The following RHOH variants were observed in gnomAD, a reference collection of about 807,000 sequenced individuals.
RHOH encodes the protein rho-related GTP-binding protein RhoH.
Under a neutral mutation model 13.8 loss-of-function variants are expected in RHOH, and 6 were observed. That is an observed-to-expected ratio of 0.44 (90% confidence interval 0.24 to 0.86). The LOEUF is 0.86. Among genes scored for constraint, RHOH ranks in the 40% least tolerant of loss-of-function variants. The pLI is 0.24. For synonymous variants in RHOH, 117 were observed against 103.0 expected (o/e 1.14, Z -0.82); for missense variants, 147 against 244.5 (o/e 0.60, Z 2.66).
At chr4:40,226,903 A>G (rs142606640) in intron 1 of RHOH, among the ~76,000 whole-genome samples, 1,635 of 152,314 alleles carry the variant, frequency 0.011, 28 homozygotes, top group African/African-American at 0.038. Flanking sequence ...TCACGCCTGT[A>G]ATCTCAGCAC....
chr4:40,229,545 A>G (rs1004071713), intron 1 of RHOH, among the ~76,000 whole-genome samples: 6 of 151,778 alleles, frequency 4.0e-5, no homozygotes, highest in Non-Finnish European at 5.9e-5. Flanking sequence ...GAGGCAGGAG[A>G]ATCGCTTGAA....
chr4:40,213,148 A>C (rs538406006), intron 1 of RHOH, among the ~76,000 whole-genome samples: 5 of 152,234 alleles, frequency 3.3e-5, no homozygotes, highest in Non-Finnish European at 4.4e-5. Flanking sequence ...TCATTAAAAG[A>C]GGGAGAAGGG....
chr4:40,209,748 T>A (rs1170525298), intron 1 of RHOH: 1 of 152,210 alleles, frequency 6.6e-6, no homozygotes, highest in African/African-American at 2.4e-5. Flanking sequence ...AGTCAAGAGA[T>A]CCTTTAAGAA....
At chr4:40,239,547 G>A (rs776941135) in intron 1 of RHOH, among the ~76,000 whole-genome samples, 1 of 152,154 alleles carries the variant, frequency 6.6e-6, no homozygotes, top group Non-Finnish European at 1.5e-5. Context: ...TGTTTACTAT[G>A]TACATACAAT....
At chr4:40,200,711 G>A (rs1723859391) in intron 1 of RHOH, 1 of 152,200 alleles carries the variant, frequency 6.6e-6, no homozygotes, top group African/African-American at 2.4e-5. Context: ...CAGGATATGA[G>A]GATGTTTAGC....
chr4:40,221,254 G>GAT (rs1726527292), intron 1 of RHOH, among the ~76,000 whole-genome samples: 1 of 152,108 alleles, frequency 6.6e-6, no homozygotes, highest in Non-Finnish European at 1.5e-5. Context: ...ACAAAGTTTG[G>GAT]ACATTTATCT....
At chr4:40,193,113 A>G (rs2109325235), upstream of RHOH, 1 of 152,596 alleles carries the variant, frequency 6.6e-6, no homozygotes, top group Middle Eastern at 3.4e-3. Flanking sequence ...TGAACACTGC[A>G]GGGCCATTTG....
upstream of RHOH, among the ~76,000 whole-genome samples, chr4:40,194,399 T>C (rs1360466080): frequency 6.6e-6 from 1 of 152,070 alleles, no homozygotes; most frequent in African/African-American, 2.4e-5. Context: ...TGGCTAATTT[T>C]TGTATTTTTA....
chr4:40,205,895 A>G (rs1724580913), intron 1 of RHOH: 1 of 152,248 alleles, frequency 6.6e-6, no homozygotes, highest in African/African-American at 2.4e-5. Flanking sequence ...TTGAGATAGA[A>G]AGGGAAAATC....
intron 1 of RHOH, among the ~76,000 whole-genome samples, chr4:40,201,945 GTTTT>G (rs1179441198): frequency 1.7e-3 from 190 of 109,048 alleles, no homozygotes; most frequent in African/African-American, 6.4e-3. Flanking sequence ...AACTCCATGA[GTTTT>G]TTTTTTTTTT....
intron 1 of RHOH, among the ~76,000 whole-genome samples, chr4:40,236,129 T>C (rs1048774817): frequency 1.3e-5 from 2 of 152,230 alleles, no homozygotes; most frequent in Admixed American, 6.5e-5. Flanking sequence ...GAGCTGCCAA[T>C]GCTTTGAAGT....
chr4:40,206,775 C>T (rs539561643), intron 1 of RHOH, among the ~76,000 whole-genome samples: 26 of 152,138 alleles, frequency 1.7e-4, no homozygotes, highest in Middle Eastern at 3.4e-3. Context: ...ACAGAATATC[C>T]GGCAATATCA....
chr4:40,243,628 T>C lies in RHOH; in HGVS notation c.242T>C (p.Met81Thr). The change falls in exon 3 of 3, where the codon ATG (methionine) becomes ACG (threonine). Residue 81 changes from methionine (M) to threonine (T), a missense_variant. Physicochemically the swap from Met to Thr is moderately conservative, Grantham distance 81 (BLOSUM62 -1). Around this residue, in one of 3 missense-constraint regions of RHOH, gnomAD observed 80 missense variants for 152.0 expected, o/e 0.53. Transcript: ENST00000381799. This position sits in a 1 kb window ranked among gnomAD's most constrained non-coding sequence, Gnocchi z 6.2. The stretch of plus-strand genomic sequence containing the variant: ...TACCAGCAGGCAGACGTGGTGCTGA[T>C]GTGCTACTCTGTGGCCAACCATAAC... The part of the protein sequence containing the change: ...LSYQQADVVL[M>T]CYSVANHNSF... The C allele has an allele frequency of 6.2e-7, 1 of 1,614,190 alleles. No individual in the cohort carries two copies. The highest frequency in any genetic ancestry group is 8.5e-7 in the Non-Finnish European group (1 of 1,180,042).
At chr4:40,202,092 A>G (rs1326731575) in intron 1 of RHOH, among the ~76,000 whole-genome samples, 1 of 151,822 alleles carries the variant, frequency 6.6e-6, no homozygotes, top group East Asian at 1.9e-4. Flanking sequence ...CTGGGACCAC[A>G]GGCGTGTGCC....
chr4:40,221,089 T>G (rs996273870), intron 1 of RHOH, among the ~76,000 whole-genome samples: 10 of 152,166 alleles, frequency 6.6e-5, no homozygotes, highest in Admixed American at 5.9e-4. Context: ...ATTGAGGGAG[T>G]AACTGCTATG....
At chr4:40,236,890 A>G (rs1728650197) in intron 1 of RHOH, among the ~76,000 whole-genome samples, 1 of 152,186 alleles carries the variant, frequency 6.6e-6, no homozygotes, top group African/African-American at 2.4e-5. Flanking sequence ...TGAAATACGG[A>G]ACTAACCCAA....
intron 1 of RHOH, among the ~76,000 whole-genome samples, chr4:40,241,382 C>A (rs897201002): frequency 1.3e-5 from 2 of 152,200 alleles, no homozygotes; most frequent in Admixed American, 6.5e-5. Context: ...ATTCTGAATC[C>A]TTACAGTGAT....
chr4:40,199,275 G>A (rs1723650320), intron 1 of RHOH, among the ~76,000 whole-genome samples: 1 of 152,138 alleles, frequency 6.6e-6, no homozygotes, highest in South Asian at 2.1e-4. Flanking sequence ...TTCTTATTAA[G>A]GACTTGGCTA....
chr4:40,235,616 G>GA (rs61162231), intron 1 of RHOH, among the ~76,000 whole-genome samples: 27 of 122,370 alleles, frequency 2.2e-4, no homozygotes, highest in Middle Eastern at 4.5e-3. Context: ...AAAGAAAAAA[G>GA]AAAAAAAAAA....
Sources: gnomAD v4.1 joint callset for allele counts (sites outside exome capture counted in the v4.1 genomes callset) on GRCh38, gnomAD v4.1.1 for gene constraint, gnomAD v4.1.1 regional missense constraint, Gnocchi (gnomAD v3.1) non-coding constraint, MANE v1.5 for transcripts, NCBI Gene and HGNC (gene_info 2026-07-23, HGNC 2026-07-21) for gene names.